The following HECW2 variants were observed in gnomAD, a reference collection of about 807,000 sequenced individuals.
HECW2 encodes HECT, C2 and WW domain containing E3 ubiquitin protein ligase 2.
In HECW2, 61 loss-of-function variants were observed where a neutral mutation model predicts 175.2. The ratio of observed to expected loss-of-function variants is 0.35; its 90% CI spans 0.28 to 0.43. The LOEUF (loss-of-function observed/expected upper bound fraction) is 0.43. Among genes scored for constraint, HECW2 ranks in the 20% least tolerant of loss-of-function variants. HECW2 has a pLI of 1.00. For synonymous variants in HECW2, 671 were observed against 731.0 expected (o/e 0.92, Z 1.32); for missense variants, 1,524 against 2,000.5 (o/e 0.76, Z 4.54).
chr2:196,331,477 C>T (rs1692357336), intron 4 of HECW2, among the ~76,000 whole-genome samples: 1 of 152,158 alleles, frequency 6.6e-6, no homozygotes. Context: ...TGCAAATGGG[C>T]CACACGCCCC....
At chr2:196,539,001 G>A (rs1030552370) in intron 1 of HECW2, among the ~76,000 whole-genome samples, 4 of 152,234 alleles carry the variant, frequency 2.6e-5, no homozygotes, top group Non-Finnish European at 4.4e-5. Flanking sequence ...AGAAGTGGTG[G>A]TCTGAAAGGG....
chr2:196,517,717 A>C (rs1170868346), intron 1 of HECW2, among the ~76,000 whole-genome samples: 1 of 152,224 alleles, frequency 6.6e-6, no homozygotes, highest in Non-Finnish European at 1.5e-5. Flanking sequence ...GAGTAAATAG[A>C]ACAAAAATAT....
chr2:196,573,362 G>C (rs1690451834), intron 1 of HECW2, among the ~76,000 whole-genome samples: 1 of 151,774 alleles, frequency 6.6e-6, no homozygotes, highest in Non-Finnish European at 1.5e-5. Flanking sequence ...TCTCAATAAG[G>C]ACAGTGTGCT....
At chr2:196,357,201 A>G (rs1693404106) in intron 2 of HECW2, among the ~76,000 whole-genome samples, 1 of 152,202 alleles carries the variant, frequency 6.6e-6, no homozygotes, top group Admixed American at 6.5e-5. Flanking sequence ...TAACCTGGAC[A>G]TGACTCACCT....
At chr2:196,326,774 A>G (rs1692168990) in intron 5 of HECW2, among the ~76,000 whole-genome samples, 1 of 152,142 alleles carries the variant, frequency 6.6e-6, no homozygotes, top group Non-Finnish European at 1.5e-5. Flanking sequence ...AAGATCTTTG[A>G]TCTGAAAACC....
intron 2 of HECW2, among the ~76,000 whole-genome samples, chr2:196,410,503 G>C (rs1455720573): frequency 6.6e-6 from 1 of 152,048 alleles, no homozygotes; most frequent in Non-Finnish European, 1.5e-5. Flanking sequence ...AAACAAAAAG[G>C]GGGGAGTTTT....
At chr2:196,330,173 T>C (rs982922285) in intron 4 of HECW2, among the ~76,000 whole-genome samples, 2 of 152,220 alleles carry the variant, frequency 1.3e-5, no homozygotes, top group African/African-American at 2.4e-5. Flanking sequence ...TGGCACATGC[T>C]ACTATAATTA....
At chr2:196,246,584 G>T (rs1374341973) in intron 19 of HECW2, among the ~76,000 whole-genome samples, 1 of 151,844 alleles carries the variant, frequency 6.6e-6, no homozygotes, top group Non-Finnish European at 1.5e-5. Context: ...TAGAGACGGG[G>T]TTTCACCATG....
chr2:196,515,992 T>C (rs1201581543), intron 1 of HECW2, among the ~76,000 whole-genome samples: 1 of 147,886 alleles, frequency 6.8e-6, no homozygotes, highest in African/African-American at 2.6e-5. Context: ...AAAAAAATAG[T>C]TGGACATGGT....
intron 2 of HECW2, among the ~76,000 whole-genome samples, chr2:196,424,007 C>T (rs1695475636): frequency 6.6e-6 from 1 of 151,896 alleles, no homozygotes; most frequent in South Asian, 2.1e-4. Flanking sequence ...GTGGAAACCC[C>T]ACATTGAGCA....
At chr2:196,521,530 G>A (rs1290633904) in intron 1 of HECW2, among the ~76,000 whole-genome samples, 6 of 150,332 alleles carry the variant, frequency 4.0e-5, no homozygotes, top group African/African-American at 1.2e-4. Context: ...TGTGCACATT[G>A]TGCAGGTTAG....
At chr2:196,426,224 T>C (rs1360932955) in intron 2 of HECW2, among the ~76,000 whole-genome samples, 1 of 152,206 alleles carries the variant, frequency 6.6e-6, no homozygotes, top group Non-Finnish European at 1.5e-5. Context: ...AACTTTTATA[T>C]GCACTGAGAA....
intron 1 of HECW2, among the ~76,000 whole-genome samples, chr2:196,496,534 T>C (rs1165654771): frequency 6.6e-6 from 1 of 152,202 alleles, no homozygotes; most frequent in Non-Finnish European, 1.5e-5. Context: ...ATAAAGCTCA[T>C]ATTCTTTTTA....
chr2:196,410,565 A>C (rs776053633), intron 2 of HECW2, among the ~76,000 whole-genome samples: 3 of 152,182 alleles, frequency 2.0e-5, no homozygotes, highest in Non-Finnish European at 4.4e-5. Flanking sequence ...CATTGAAAAC[A>C]ATTCTTAAAG....
chr2:196,342,776 C>A (rs2061166), intron 3 of HECW2, among the ~76,000 whole-genome samples: 49,444 of 152,018 alleles, frequency 0.33, 10,405 homozygotes, highest in African/African-American at 0.6. Context: ...CTGGGGTCCA[C>A]ACACGAAGTT....
At chr2:196,513,592 T>A (rs981677997) in intron 1 of HECW2, among the ~76,000 whole-genome samples, 2 of 152,202 alleles carry the variant, frequency 1.3e-5, no homozygotes, top group African/African-American at 4.8e-5. Flanking sequence ...TACATTCTTG[T>A]TGGTGAGAAA....
At chr2:196,398,555 C>T (rs1361666440) in intron 2 of HECW2, among the ~76,000 whole-genome samples, 1 of 152,260 alleles carries the variant, frequency 6.6e-6, no homozygotes, top group East Asian at 1.9e-4. Flanking sequence ...TCAAATCCCA[C>T]CCATTCTCCA....
chr2:196,505,971 G>A (rs1687745497), intron 1 of HECW2, among the ~76,000 whole-genome samples: 1 of 152,160 alleles, frequency 6.6e-6, no homozygotes, highest in Non-Finnish European at 1.5e-5. Flanking sequence ...GAAGGAAGAT[G>A]AAGGTGATTA....
intron 1 of HECW2, among the ~76,000 whole-genome samples, chr2:196,538,753 T>C (rs1380852239): frequency 2.0e-5 from 3 of 152,198 alleles, no homozygotes; most frequent in Non-Finnish European, 4.4e-5. Flanking sequence ...TTCTCCCAGG[T>C]ACCTTCATTT....
Sources: gnomAD v4.1 joint callset for allele counts (sites outside exome capture counted in the v4.1 genomes callset) on GRCh38, gnomAD v4.1.1 for gene constraint, MANE v1.5 for transcripts, NCBI Gene and HGNC (gene_info 2026-07-23, HGNC 2026-07-21) for gene names.